The following TMC1 variants were observed in gnomAD, a reference collection of about 807,000 sequenced individuals.
TMC1 encodes transmembrane channel like 1.
TMC1 carries 84 observed loss-of-function variants against 105.8 expected under a neutral mutation model. The ratio of observed to expected loss-of-function variants is 0.79; its 90% CI spans 0.67 to 0.95. The LOEUF is 0.95. TMC1 is among the 40% of genes least tolerant of loss of function. TMC1 has a pLI of 0.00. For missense variants in TMC1, 817 were observed against 914.1 expected (o/e 0.89, Z 1.37); for synonymous variants, 315 against 311.5 (o/e 1.01, Z -0.12).
At chr9:72,815,007 T>G (rs963798669) in intron 18 of TMC1, among the ~76,000 whole-genome samples, 6 of 150,958 alleles carry the variant, frequency 4.0e-5, no homozygotes, top group African/African-American at 1.5e-4. Context: ...GATAATAAGA[T>G]CTGAGCAGTG....
chr9:72,572,956 C>G (rs117559364), intron 1 of TMC1, among the ~76,000 whole-genome samples: 8 of 152,088 alleles, frequency 5.3e-5, no homozygotes, highest in Admixed American at 5.2e-4. Context: ...CACACCATTG[C>G]ACTCCAACAC....
intron 5 of TMC1, among the ~76,000 whole-genome samples, chr9:72,671,800 A>C (rs118029452): frequency 6.6e-6 from 1 of 152,230 alleles, no homozygotes; most frequent in Admixed American, 6.5e-5. Context: ...AAAGCATAGT[A>C]TAGTTGTTAA....
intron 3 of TMC1, among the ~76,000 whole-genome samples, chr9:72,622,477 C>T (rs1447129056): frequency 6.6e-6 from 1 of 152,208 alleles, no homozygotes; most frequent in Non-Finnish European, 1.5e-5. Context: ...TCTTCTTCCT[C>T]AGCCTAGAAA....
intron 14 of TMC1, 112 bp downstream of exon 14, chr9:72,788,595 T>A: frequency 8.5e-7 from 1 of 1,177,888 alleles, no homozygotes; most frequent in African/African-American, 1.5e-5. Context: ...AAAGATTAAC[T>A]CATGGTTTCT....
At chr9:72,565,584 T>C (rs1404494016) in intron 1 of TMC1, among the ~76,000 whole-genome samples, 5 of 152,172 alleles carry the variant, frequency 3.3e-5, no homozygotes, top group African/African-American at 1.2e-4. Flanking sequence ...TGTATGTGTA[T>C]GTTGGAGCTT....
intron 10 of TMC1, among the ~76,000 whole-genome samples, chr9:72,743,368 C>CAAAA (rs57505302): frequency 9.1e-6 from 1 of 110,184 alleles, no homozygotes; most frequent in Non-Finnish European, 2.1e-5. Context: ...CTCCGTCTCA[C>CAAAA]AAAAAAAAAA....
At chr9:72,571,883 C>T (rs1003396485) in intron 1 of TMC1, among the ~76,000 whole-genome samples, 1 of 151,508 alleles carries the variant, frequency 6.6e-6, no homozygotes, top group Non-Finnish European at 1.5e-5. Flanking sequence ...GTTGCTTAGG[C>T]TGGAGTGCAA....
At chr9:72,824,263 A>G (rs1412496101) in intron 20 of TMC1, among the ~76,000 whole-genome samples, 6 of 152,230 alleles carry the variant, frequency 3.9e-5, no homozygotes, top group Admixed American at 3.9e-4. Context: ...GAGTTCCACC[A>G]TCCTCAGCCT....
intron 5 of TMC1, among the ~76,000 whole-genome samples, chr9:72,661,114 C>T (rs1007159029): frequency 2.0e-5 from 3 of 151,316 alleles, no homozygotes; most frequent in East Asian, 1.9e-4. Context: ...ATCACGCCAC[C>T]GCACTCCAGC....
chr9:72,522,154 G>GTTTTTT (rs66973360), intron 1 of TMC1, among the ~76,000 whole-genome samples: 1 of 47,752 alleles, frequency 2.1e-5, no homozygotes, highest in Non-Finnish European at 4.1e-5. Context: ...TAATTGATAA[G>GTTTTTT]TTTTTTTTTT....
intron 13 of TMC1, among the ~76,000 whole-genome samples, chr9:72,787,033 A>AT (rs1194415227): frequency 1.3e-5 from 2 of 151,734 alleles, no homozygotes; most frequent in African/African-American, 2.4e-5. Context: ...AAAAAAAAAA[A>AT]GCATTTTGTA....
At chr9:72,623,162 CTTTTTTT>C (rs57488888) in intron 3 of TMC1, among the ~76,000 whole-genome samples, 1 of 97,138 alleles carries the variant, frequency 1.0e-5, no homozygotes, top group Non-Finnish European at 2.0e-5. Context: ...TTTTTTTTTT[CTTTTTTT>C]TTTTTTTGTC....
At chr9:72,716,275 A>G (rs1404625447) in intron 8 of TMC1, among the ~76,000 whole-genome samples, 1 of 152,228 alleles carries the variant, frequency 6.6e-6, no homozygotes. Flanking sequence ...GTCCCTTATC[A>G]GAGCTGGAAC....
Position 72,821,019 on chromosome 9 carries a change from C to G in TMC1, c.1941C>G (p.Ser647=). The G allele has an allele frequency of 6.2e-7, 1 of 1,614,186 alleles. No homozygotes were observed. Among genetic ancestry groups the G allele is most frequent in the Non-Finnish European group, 8.5e-7 (1 of 1,180,026 alleles). ...TGCTACTGCTCATCCTCTTCCTGTCCACAATGCCTGTCTTGTACATGATCG... is the reference window on the plus strand; with the variant it reads ...TGCTACTGCTCATCCTCTTCCTGTCGACAATGCCTGTCTTGTACATGATCG... ...LGMLLLILFL[S]TMPVLYMIVS... Residue 647 remains serine (S), a synonymous_variant, in exon 20 of 24, where the codon TCC becomes TCG. Transcript: ENST00000297784.
chr9:72,583,402 G>A (rs1046338152), intron 2 of TMC1, among the ~76,000 whole-genome samples: 1 of 152,136 alleles, frequency 6.6e-6, no homozygotes, highest in Admixed American at 6.6e-5. Flanking sequence ...TTATTTAAGA[G>A]CAGATAAAAT....
chr9:72,547,826 T>C lies in TMC1; in HGVS notation c.-428+25913T>C, dbSNP rs143398249. ...GCTAAGCGTATTAGTCCACTCGGGA[T>C]GCTTTAACAGAATATCAATAAACTG... On this transcript the variant is annotated intron_variant, in intron 1 of 23. Transcript: ENST00000297784. Among the ~76,000 whole-genome samples, 1,065 of 152,320 alleles carry C rather than the reference T, an allele frequency of 7.0e-3. 35 individuals are homozygous for C. Among genetic ancestry groups the C allele is most frequent in the Admixed American group, 0.063 (962 of 15,280 alleles).
chr9:72,617,555 G>A (rs564620159), intron 3 of TMC1, among the ~76,000 whole-genome samples: 2 of 152,222 alleles, frequency 1.3e-5, no homozygotes, highest in Admixed American at 1.3e-4. Flanking sequence ...ATACCAAATG[G>A]CATAAGACCA....
intron 4 of TMC1, among the ~76,000 whole-genome samples, chr9:72,632,850 A>G (rs1480553383): frequency 6.6e-6 from 1 of 152,182 alleles, no homozygotes; most frequent in Non-Finnish European, 1.5e-5. Context: ...TTCTTATGTA[A>G]TACCAAATTC....
intron 5 of TMC1, among the ~76,000 whole-genome samples, chr9:72,669,365 A>T: frequency 6.6e-6 from 1 of 152,210 alleles, no homozygotes; most frequent in East Asian, 1.9e-4. Flanking sequence ...CTAAAGGAAA[A>T]GAAATAACAT....
Sources: gnomAD v4.1 joint callset for allele counts (sites outside exome capture counted in the v4.1 genomes callset) on GRCh38, gnomAD v4.1.1 for gene constraint, MANE v1.5 for transcripts, NCBI Gene and HGNC (gene_info 2026-07-23, HGNC 2026-07-21) for gene names.